Variants in ARL15 observed in about 807,000 individuals in gnomAD.
The protein encoded by ARL15 is ADP-ribosylation factor-like protein 15.
ARL15 carries 19 observed loss-of-function variants against 25.2 expected under a neutral mutation model. The ratio of observed to expected loss-of-function variants is 0.75; its 90% confidence interval spans 0.53 to 1.10. The LOEUF (loss-of-function observed/expected upper bound fraction) is 1.10, where lower values mean the gene tolerates loss of function less well. Ranked by LOEUF, ARL15 falls within the 50% of genes least tolerant of loss-of-function variation. The probability of loss-of-function intolerance (pLI) is 0.00; values close to 1 mark genes in which losing one functional copy is unlikely to be tolerated. For synonymous variants in ARL15, 94 were observed against 86.8 expected (o/e 1.08, Z -0.46); for missense variants, 220 against 246.0 (o/e 0.89, Z 0.71).
intron 1 of ARL15, among the ~76,000 whole-genome samples, chr5:54,212,366 T>G (rs1033463968): frequency 3.3e-5 from 5 of 151,986 alleles, no homozygotes; most frequent in African/African-American, 1.2e-4. Context: ...AAAAGGAAGG[T>G]AGAAAAGGGA....
chr5:53,922,955 T>C (rs552872448), intron 4 of ARL15, among the ~76,000 whole-genome samples: 1 of 152,350 alleles, frequency 6.6e-6, no homozygotes, highest in South Asian at 2.1e-4. Context: ...GAATAACCAG[T>C]GTATACAGAG....
intron 1 of ARL15, among the ~76,000 whole-genome samples, chr5:54,240,047 G>A (rs1456226951): frequency 6.6e-6 from 1 of 152,000 alleles, no homozygotes; most frequent in East Asian, 1.9e-4. Context: ...CTAACACGGT[G>A]AAACCCCATC....
intron 1 of ARL15, among the ~76,000 whole-genome samples, chr5:54,282,790 G>T (rs1758093383): frequency 6.6e-6 from 1 of 152,122 alleles, no homozygotes; most frequent in African/African-American, 2.4e-5. Context: ...GTTAAATGCT[G>T]AAAGTTATGA....
intron 1 of ARL15, among the ~76,000 whole-genome samples, chr5:54,181,834 T>C (rs895191685): frequency 6.6e-6 from 1 of 151,622 alleles, no homozygotes; most frequent in South Asian, 2.1e-4. Context: ...TTTTAATGAT[T>C]GCCATTCTAA....
At chr5:54,042,007 G>C (rs920986243) in intron 4 of ARL15, among the ~76,000 whole-genome samples, 1 of 143,208 alleles carries the variant, frequency 7.0e-6, no homozygotes, top group Non-Finnish European at 1.5e-5. Context: ...GTCTCGCTTT[G>C]TCGCCCAGGC....
intron 1 of ARL15, among the ~76,000 whole-genome samples, chr5:54,219,251 A>G (rs1756304768): frequency 6.6e-6 from 1 of 152,210 alleles, no homozygotes. Flanking sequence ...GGCAGTATTC[A>G]AAACACATAA....
At chr5:53,908,762 A>G (rs1745356694) in intron 4 of ARL15, among the ~76,000 whole-genome samples, 1 of 152,226 alleles carries the variant, frequency 6.6e-6, no homozygotes, top group South Asian at 2.1e-4. Context: ...CACAGGAAAT[A>G]ATACTACAAA....
intron 4 of ARL15, among the ~76,000 whole-genome samples, chr5:54,085,519 G>A (rs1044181001): frequency 5.3e-5 from 8 of 152,122 alleles, no homozygotes; most frequent in Admixed American, 1.3e-4. Context: ...GTCACTGAAC[G>A]TACAGACTAA....
chr5:53,907,473 T>TATATAC (rs1334936763), intron 4 of ARL15, among the ~76,000 whole-genome samples: 1 of 27,696 alleles, frequency 3.6e-5, no homozygotes, highest in African/African-American at 1.6e-4. Context: ...TATATATATA[T>TATATAC]ATATATATAT....
intron 4 of ARL15, among the ~76,000 whole-genome samples, chr5:54,100,908 C>T (rs560680369): frequency 2.0e-5 from 3 of 152,032 alleles, no homozygotes; most frequent in South Asian, 2.1e-4. Flanking sequence ...CACTGTATAC[C>T]TTTTTGTAAA....
At chr5:54,014,535 T>A (rs1289857381) in intron 4 of ARL15, among the ~76,000 whole-genome samples, 1 of 152,062 alleles carries the variant, frequency 6.6e-6, no homozygotes, top group Non-Finnish European at 1.5e-5. Flanking sequence ...CTTTTTTTTT[T>A]TTTGAGCTAG....
chr5:54,247,205 TAAG>T (rs1757111547), intron 1 of ARL15, among the ~76,000 whole-genome samples: 1 of 146,882 alleles, frequency 6.8e-6, no homozygotes, highest in African/African-American at 2.5e-5. Context: ...ACCTAGAAAT[TAAG>T]GAGTTAAAGT....
At chr5:54,304,793 ATACAACT>A (rs1758712862) in intron 1 of ARL15, among the ~76,000 whole-genome samples, 1 of 152,264 alleles carries the variant, frequency 6.6e-6, no homozygotes, top group South Asian at 2.1e-4. Context: ...GTCACAATAA[ATACAACT>A]TACAATGTTC....
intron 1 of ARL15, among the ~76,000 whole-genome samples, chr5:54,211,998 C>T (rs186252320): frequency 0.013 from 1,949 of 152,182 alleles, 21 homozygotes; most frequent in South Asian, 0.019. Context: ...ATGTGTCTGG[C>T]TACAAGTAAC....
At chr5:53,891,104 T>C (rs1475307769) in intron 4 of ARL15, among the ~76,000 whole-genome samples, 1 of 152,210 alleles carries the variant, frequency 6.6e-6, no homozygotes, top group African/African-American at 2.4e-5. Context: ...ATAACAAGTC[T>C]TTCCTTTTTA....
rs560904547 is a variant in ARL15, at chr5:54,051,393, A to C, written c.462+61809T>G. Among the ~76,000 whole-genome samples, 3 of 152,336 alleles carry C rather than the reference A, an allele frequency of 2.0e-5. No individual in the cohort carries two copies. The South Asian group carries it at 6.2e-4, about 32-fold the overall frequency. On this transcript the variant is annotated intron_variant, in intron 4 of 4. Coordinates refer to ENST00000504924, the MANE Select transcript of ARL15 (RefSeq NM_019087.3). ...CTCACACTTACAACATGCAGCTGAA[A>C]CTTTTTCTTCCTGTTCCTTTGCTTT...
intron 1 of ARL15, among the ~76,000 whole-genome samples, chr5:54,277,132 G>T (rs1363955600): frequency 6.6e-6 from 1 of 151,996 alleles, no homozygotes; most frequent in African/African-American, 2.4e-5. Flanking sequence ...AGAGCTAAAT[G>T]AAAATAAGCA....
intron 3 of ARL15, among the ~76,000 whole-genome samples, chr5:54,134,337 C>T (rs528655886): frequency 6.6e-6 from 1 of 152,112 alleles, no homozygotes; most frequent in Non-Finnish European, 1.5e-5. Flanking sequence ...AGAAAGAAAT[C>T]AGACGGCAGT....
chr5:54,169,725 A>G (rs1236278699), intron 2 of ARL15, among the ~76,000 whole-genome samples: 2 of 152,218 alleles, frequency 1.3e-5, no homozygotes, highest in Non-Finnish European at 2.9e-5. Context: ...ATGGGCACAT[A>G]CATAAAGCAG....
Sources: gnomAD v4.1 joint callset for allele counts (sites outside exome capture counted in the v4.1 genomes callset) on GRCh38, gnomAD v4.1.1 for gene constraint, MANE v1.5 for transcripts, NCBI Gene and HGNC (gene_info 2026-07-23, HGNC 2026-07-21) for gene names.